Variants in NRG3 observed in about 807,000 individuals in gnomAD.
NRG3 encodes pro-neuregulin-3, membrane-bound isoform.
Under a neutral mutation model 66.9 loss-of-function variants are expected in NRG3, and 31 were observed. The observed-to-expected ratio is 0.46, with a 90% confidence interval of 0.35 to 0.63. The LOEUF (loss-of-function observed/expected upper bound fraction) is 0.63. Among genes scored for constraint, NRG3 ranks in the 20% least tolerant of loss-of-function variants. The pLI is 0.00. For missense variants in NRG3, 910 were observed against 878.9 expected (o/e 1.04, Z -0.45); for synonymous variants, 393 against 359.4 (o/e 1.09, Z -1.06).
chr10:82,773,866 G>A (rs1292654466), intron 3 of NRG3, among the ~76,000 whole-genome samples: 1 of 152,122 alleles, frequency 6.6e-6, no homozygotes, highest in Non-Finnish European at 1.5e-5. Context: ...TTATTATATG[G>A]AGAAACTTTT....
intron 2 of NRG3, among the ~76,000 whole-genome samples, chr10:82,558,973 A>C (rs975697143): frequency 1.3e-4 from 20 of 152,198 alleles, no homozygotes; most frequent in Non-Finnish European, 2.5e-4. Flanking sequence ...ATAACAAAAA[A>C]TTCAAAATCA....
chr10:82,128,996 C>T (rs981688496), intron 1 of NRG3, among the ~76,000 whole-genome samples: 1 of 151,894 alleles, frequency 6.6e-6, no homozygotes, highest in Non-Finnish European at 1.5e-5. Context: ...TCACTGCAAC[C>T]TCGCCTCTCG....
chr10:82,175,690 T>C (rs2072975597), intron 1 of NRG3, among the ~76,000 whole-genome samples: 1 of 152,212 alleles, frequency 6.6e-6, no homozygotes, highest in South Asian at 2.1e-4. Context: ...TTCTCCCTAA[T>C]TGGACTGTAA....
chr10:82,515,687 A>G (rs543686580), intron 2 of NRG3, among the ~76,000 whole-genome samples: 1 of 152,278 alleles, frequency 6.6e-6, no homozygotes, highest in African/African-American at 2.4e-5. Flanking sequence ...TGACCTGCAT[A>G]CAACATCAAT....
intron 1 of NRG3, among the ~76,000 whole-genome samples, chr10:82,010,559 A>T (rs2061535564): frequency 6.6e-6 from 1 of 152,194 alleles, no homozygotes; most frequent in South Asian, 2.1e-4. Context: ...CTGTACTTCC[A>T]GTGTTCAAGT....
At chr10:82,007,647 G>A (rs577125300) in intron 1 of NRG3, among the ~76,000 whole-genome samples, 1 of 152,216 alleles carries the variant, frequency 6.6e-6, no homozygotes, top group South Asian at 2.1e-4. Flanking sequence ...GTGGGTAAAT[G>A]TGGATAAATT....
chr10:82,792,053 TTTG>T (rs1217558681), intron 3 of NRG3, among the ~76,000 whole-genome samples: 2 of 152,162 alleles, frequency 1.3e-5, no homozygotes, highest in African/African-American at 2.4e-5. Context: ...GCTTGCTGGT[TTTG>T]TTGTTGTCAT....
At chr10:82,552,331 A>T (rs896333387) in intron 2 of NRG3, among the ~76,000 whole-genome samples, 3 of 151,910 alleles carry the variant, frequency 2.0e-5, no homozygotes, top group Non-Finnish European at 4.4e-5. Flanking sequence ...AAAGGTGATC[A>T]TTTTTTTTAA....
chr10:81,892,792 G>A (rs779061688), intron 1 of NRG3, among the ~76,000 whole-genome samples: 4 of 152,072 alleles, frequency 2.6e-5, no homozygotes, highest in African/African-American at 7.2e-5. Context: ...TAAGTTAATC[G>A]TACATTTAAA....
At chr10:82,948,261 T>C (rs1337181056) in intron 4 of NRG3, among the ~76,000 whole-genome samples, 1 of 152,132 alleles carries the variant, frequency 6.6e-6, no homozygotes, top group Non-Finnish European at 1.5e-5. Flanking sequence ...CGCTTTTATC[T>C]GTTGCAATTA....
chr10:82,176,165 C>T (rs373785287), intron 1 of NRG3, among the ~76,000 whole-genome samples: 6 of 152,190 alleles, frequency 3.9e-5, no homozygotes, highest in African/African-American at 1.2e-4. Context: ...CTATACTGCA[C>T]AGTACTTCCC....
chr10:82,698,138 A>C, intron 2 of NRG3, among the ~76,000 whole-genome samples: 1 of 152,044 alleles, frequency 6.6e-6, no homozygotes, highest in East Asian at 1.9e-4. Flanking sequence ...CATGTAAATA[A>C]GGAGAACCCA....
chr10:82,274,620 A>C (rs562965294), intron 1 of NRG3, among the ~76,000 whole-genome samples: 4 of 152,174 alleles, frequency 2.6e-5, no homozygotes, highest in Admixed American at 6.6e-5. Flanking sequence ...TTTATTTAGA[A>C]ACACTTTCTA....
intron 2 of NRG3, among the ~76,000 whole-genome samples, chr10:82,653,681 T>A (rs2051614148): frequency 6.7e-6 from 1 of 149,866 alleles, no homozygotes. Context: ...TGGGGGTGGA[T>A]CACCATAATC....
At chr10:82,745,029 C>A (rs551974157) in intron 3 of NRG3, among the ~76,000 whole-genome samples, 20 of 152,116 alleles carry the variant, frequency 1.3e-4, no homozygotes, top group South Asian at 1.0e-3. Flanking sequence ...TCCAGTTGTA[C>A]TGAGGAAGTA....
At chr10:82,146,617 A>C (rs2070283948) in intron 1 of NRG3, among the ~76,000 whole-genome samples, 1 of 152,132 alleles carries the variant, frequency 6.6e-6, no homozygotes, top group Admixed American at 6.6e-5. Context: ...AGTGTGGTCC[A>C]ATAATAATAT....
chr10:82,855,483 G>A (rs1416623683), intron 3 of NRG3, among the ~76,000 whole-genome samples: 2 of 151,852 alleles, frequency 1.3e-5, no homozygotes, highest in Non-Finnish European at 2.9e-5. Context: ...CTGCAACCTC[G>A]ACTTCCCAGG....
chr10:82,706,795 A>T (rs528624388), intron 2 of NRG3, among the ~76,000 whole-genome samples: 3 of 152,038 alleles, frequency 2.0e-5, no homozygotes, highest in Non-Finnish European at 4.4e-5. Context: ...GGGGTTCAAG[A>T]CCAGCCTGAC....
intron 4 of NRG3, among the ~76,000 whole-genome samples, chr10:82,873,834 G>A (rs1476091724): frequency 1.3e-5 from 2 of 152,040 alleles, no homozygotes; most frequent in African/African-American, 2.4e-5. Flanking sequence ...TAAATATTTT[G>A]TCGGTGATTT....
Sources: allele counts gnomAD v4.1 joint callset (sites outside exome capture counted in the v4.1 genomes callset), GRCh38; gene constraint gnomAD v4.1.1; transcripts MANE v1.5; gene names NCBI Gene and HGNC (gene_info 2026-07-23, HGNC 2026-07-21).